Variants in MRPS35 observed in about 807,000 individuals in gnomAD.
MRPS35 encodes the protein mitochondrial ribosomal protein S35.
Under a neutral mutation model 32.7 loss-of-function variants are expected in MRPS35, and 29 were observed. That is an observed-to-expected ratio of 0.89 (90% CI 0.66 to 1.21). MRPS35 has a LOEUF of 1.21. Among genes scored for constraint, MRPS35 ranks in the 50% most tolerant of loss-of-function variants. The pLI, the probability that MRPS35 is intolerant of heterozygous loss-of-function variation, is 0.00. For synonymous variants in MRPS35, 148 were observed against 139.3 expected, an observed-to-expected ratio of 1.06 and a Z score of -0.44; for missense variants, 373 against 383.8, an observed-to-expected ratio of 0.97 and a Z score of 0.23.
chr12:27,742,380 A>G (rs938166773), intron 7 of MRPS35, among the ~76,000 whole-genome samples: 2 of 152,214 alleles, frequency 1.3e-5, no homozygotes, highest in African/African-American at 4.8e-5. Context: ...ATCAAAATGA[A>G]TGACCCCCTG....
chr12:27,736,648 TA>T (rs1022871751), intron 6 of MRPS35, among the ~76,000 whole-genome samples: 5 of 152,154 alleles, frequency 3.3e-5, no homozygotes, highest in Non-Finnish European at 7.4e-5. Context: ...ATTTGATATT[TA>T]AAGAAATTGG....
chr12:27,720,010 T>A, intron 4 of MRPS35, 142 bp downstream of exon 4: 1 of 620,296 alleles, frequency 1.6e-6, no homozygotes, highest in South Asian at 2.1e-5. Context: ...TTGTTTTTGC[T>A]AACCACTACA....
chr12:27,714,700 A>G, intron 1 of MRPS35, 80 bp from the exon 2 acceptor site: 1 of 1,041,838 alleles, frequency 9.6e-7, no homozygotes. Context: ...TGTTAGAATA[A>G]TGGGATCATG....
At chr12:27,721,522 G>A (rs2061875117) in intron 4 of MRPS35, among the ~76,000 whole-genome samples, 1 of 152,112 alleles carries the variant, frequency 6.6e-6, no homozygotes, top group South Asian at 2.1e-4. Flanking sequence ...AGCCGGGTGT[G>A]GTGGCATGTG....
chr12:27,749,718 TGAAA>T (rs1280272706), intron 7 of MRPS35, among the ~76,000 whole-genome samples: 2 of 152,146 alleles, frequency 1.3e-5, no homozygotes, highest in Non-Finnish European at 2.9e-5. Flanking sequence ...AATGTGGGTT[TGAAA>T]CCCACTCCTC....
chr12:27,752,457 A>G (rs2062009298), intron 7 of MRPS35, among the ~76,000 whole-genome samples: 2 of 152,240 alleles, frequency 1.3e-5, no homozygotes, highest in Admixed American at 1.3e-4. Flanking sequence ...AAATTCAGAT[A>G]AAACATGTGA....
intron 7 of MRPS35, among the ~76,000 whole-genome samples, chr12:27,746,885 A>G (rs939868503): frequency 1.3e-5 from 2 of 152,346 alleles, no homozygotes; most frequent in East Asian, 1.9e-4. Context: ...ACAGTCTAGT[A>G]TAAGTTTTCA....
At chr12:27,716,519 CCCT>C (rs2061851813) in intron 3 of MRPS35, 61 bp downstream of exon 3, 4 of 1,557,100 alleles carry the variant, frequency 2.6e-6, no homozygotes, top group Non-Finnish European at 3.5e-6. Context: ...TGATCTTCCC[CCCT>C]ATTTCTGCTC....
intron 2 of MRPS35, 22 bp from the exon 3 acceptor site, chr12:27,716,269 T>G (rs769412335): frequency 4.1e-5 from 62 of 1,521,030 alleles, no homozygotes; most frequent in Non-Finnish European, 5.2e-5. Context: ...TTTAAAATAC[T>G]AAACGATTTT....
chr12:27,723,383 C>T (rs1377447047), intron 4 of MRPS35, among the ~76,000 whole-genome samples: 1 of 152,116 alleles, frequency 6.6e-6, no homozygotes, highest in African/African-American at 2.4e-5. Context: ...GTCTCAGACC[C>T]AATCCCACTT....
At chr12:27,749,669 A>T (rs1157295736) in intron 7 of MRPS35, among the ~76,000 whole-genome samples, 1 of 152,172 alleles carries the variant, frequency 6.6e-6, no homozygotes, top group African/African-American at 2.4e-5. Flanking sequence ...GCTTCGCCTC[A>T]AATCCTTGGC....
chr12:27,719,895 T>G, intron 4 of MRPS35, 27 bp downstream of exon 4: 1 of 1,469,522 alleles, frequency 6.8e-7, no homozygotes, highest in South Asian at 1.2e-5. Flanking sequence ...TTATATGAAT[T>G]TTATATTGAC....
intron 7 of MRPS35, among the ~76,000 whole-genome samples, chr12:27,749,714 G>A (rs1006903047): frequency 2.6e-5 from 4 of 152,062 alleles, no homozygotes; most frequent in African/African-American, 9.7e-5. Flanking sequence ...GGGAAATGTG[G>A]GTTTGAAACC....
rs140774666 is a variant in MRPS35 at position 27,714,797 on chromosome 12, A to G, written c.130A>G (p.Asn44Asp). The part of the protein sequence containing the change: ...TPSLPERTPG[N>D]ERPPRRKALP... ...ACGTACAGCGGAAAGAACACCCGGA[A>G]ATGAAAGGCCACCAAGAAGAAAGGT... The change falls in exon 2 of 8, where the codon AAT becomes GAT. Residue 44 changes from asparagine to aspartate, a missense_variant. Asn to Asp is a conservative substitution (Grantham distance 23). Transcript: ENST00000081029. 6 of 1,610,950 alleles carry G rather than the reference A, an allele frequency of 3.7e-6. No homozygotes were observed. The highest frequency in any genetic ancestry group is 5.1e-6 in the Non-Finnish European group (6 of 1,177,388).
At position 27,710,974 on chromosome 12, in the gene MRPS35, T is replaced by C; in HGVS notation, c.112+19T>C. 1 of 1,604,370 alleles carries C rather than the reference T, an allele frequency of 6.2e-7. No homozygotes were observed. The highest frequency in any genetic ancestry group is 8.5e-7 in the Non-Finnish European group (1 of 1,174,710). ...AGCCTGCGTGAGTGTCTGTCTCGTC[T>C]TCTCTGGGCTTTGGGGGAGGTGCAA... On this transcript the variant is annotated intron_variant, in intron 1 of 7. Coordinates refer to ENST00000081029, the MANE Select transcript of MRPS35 (RefSeq NM_021821.4).
At chr12:27,749,470 A>G (rs1303394059) in intron 7 of MRPS35, among the ~76,000 whole-genome samples, 1 of 152,190 alleles carries the variant, frequency 6.6e-6, no homozygotes, top group African/African-American at 2.4e-5. Flanking sequence ...GTTTCTGTAT[A>G]TTTTATCTAA....
Position 27,749,943 on chromosome 12 carries a change from C to G in MRPS35, c.703-5238C>G, listed in dbSNP as rs140728891. Among the ~76,000 whole-genome samples, 434 of 152,300 alleles carry G rather than the reference C, an allele frequency of 2.8e-3. 2 individuals carry two copies. Among genetic ancestry groups the G allele is most frequent in the African/African-American group, 0.01 (418 of 41,552 alleles). ...CTTAGGTCTGGGAAATACCAAAGCT[C>G]ATGGTAAATACCATCTTATACAAAC... On this transcript the variant is annotated intron_variant, in intron 7 of 7. Coordinates refer to ENST00000081029, the MANE Select transcript of MRPS35 (RefSeq NM_021821.4).
intron 7 of MRPS35, among the ~76,000 whole-genome samples, chr12:27,754,279 G>C (rs2062017624): frequency 6.6e-6 from 1 of 151,738 alleles, no homozygotes; most frequent in South Asian, 2.1e-4. Flanking sequence ...AAAATTCCAG[G>C]ATATATGAAG....
intron 1 of MRPS35, 39 bp from the exon 2 acceptor site, chr12:27,714,741 A>T: frequency 1.3e-6 from 2 of 1,523,162 alleles, no homozygotes; most frequent in Non-Finnish European, 1.8e-6. Flanking sequence ...TTGACATGAT[A>T]AAATTCTCTT....
Sources: allele counts gnomAD v4.1 joint callset (sites outside exome capture counted in the v4.1 genomes callset), GRCh38; gene constraint gnomAD v4.1.1; transcripts MANE v1.5; gene names NCBI Gene and HGNC (gene_info 2026-07-23, HGNC 2026-07-21).